The following TBL1XR1 variants were observed in gnomAD, a reference collection of about 807,000 sequenced individuals.
The protein encoded by TBL1XR1 is TBL1X/Y related 1, also known as F-box-like/WD repeat-containing protein TBL1XR1.
TBL1XR1 carries 5 observed loss-of-function variants against 66.9 expected under a neutral mutation model. That is an observed-to-expected ratio of 0.07 (90% confidence interval 0.04 to 0.16). TBL1XR1 has a LOEUF of 0.16. Among genes scored for constraint, TBL1XR1 ranks in the 10% least tolerant of loss-of-function variants. TBL1XR1 has a pLI of 1.00. For synonymous variants in TBL1XR1, 210 were observed against 206.0 expected, an observed-to-expected ratio of 1.02 and a Z score of -0.17; for missense variants, 238 against 623.2, an observed-to-expected ratio of 0.38 and a Z score of 6.58.
At chr3:177,188,512 A>C (rs1051451208) in intron 1 of TBL1XR1, among the ~76,000 whole-genome samples, 18 of 151,992 alleles carry the variant, frequency 1.2e-4, no homozygotes, top group African/African-American at 4.4e-4. Flanking sequence ...GCGCCATTGC[A>C]CTCCAGCCTG....
At chr3:177,083,385 C>A (rs879938215) in intron 2 of TBL1XR1, among the ~76,000 whole-genome samples, 1 of 152,166 alleles carries the variant, frequency 6.6e-6, no homozygotes, top group Non-Finnish European at 1.5e-5. Flanking sequence ...GTTTTGTCTT[C>A]TTGCTTTTAT....
At chr3:177,092,587 A>C (rs1275624159) in intron 2 of TBL1XR1, among the ~76,000 whole-genome samples, 2 of 152,158 alleles carry the variant, frequency 1.3e-5, no homozygotes. Context: ...TATTGTCAGC[A>C]CCTCACATCC....
chr3:177,072,700 CG>C (rs1219950908), intron 2 of TBL1XR1, among the ~76,000 whole-genome samples: 1 of 152,100 alleles, frequency 6.6e-6, no homozygotes, highest in Non-Finnish European at 1.5e-5. Context: ...CATGGAACAG[CG>C]TTTATACTTC....
chr3:177,112,107 A>ATATATATATATATATTTT, intron 1 of TBL1XR1, among the ~76,000 whole-genome samples: 4 of 37,640 alleles, frequency 1.1e-4, no homozygotes, highest in African/African-American at 3.8e-4. Flanking sequence ...ATATATATAT[A>ATATATATATATATATTTT]TTTTTTTTTT....
Position 177,103,640 on chromosome 3 carries a change from ATAAC to A in TBL1XR1, c.-121-5103_-121-5100del, listed in dbSNP as rs1724510376. On this transcript the variant is annotated intron_variant, in intron 1 of 15. Coordinates refer to ENST00000457928, the MANE Select transcript of TBL1XR1 (RefSeq NM_024665.7). ...AGAAGTAAATTTATTTAATTTATAGATAACTTTGAAAAGCTAATGGACATTATGG... is the reference window on the plus strand; with the variant it reads ...AGAAGTAAATTTATTTAATTTATAGATTTGAAAAGCTAATGGACATTATGG... Among the ~76,000 whole-genome samples, 10 of 152,320 alleles carry A rather than the reference ATAAC, an allele frequency of 6.6e-5. No homozygotes were observed. The South Asian group carries it at 2.1e-3, about 32-fold the overall frequency.
At chr3:177,155,623 G>GT (rs1186372358) in intron 1 of TBL1XR1, among the ~76,000 whole-genome samples, 1 of 152,092 alleles carries the variant, frequency 6.6e-6, no homozygotes, top group East Asian at 1.9e-4. Context: ...GAGAAAGATA[G>GT]TTTTTTTCTT....
chr3:177,112,100 TATATATA>T (rs1261882810), intron 1 of TBL1XR1, among the ~76,000 whole-genome samples: 145 of 55,166 alleles, frequency 2.6e-3, no homozygotes, highest in African/African-American at 0.013. Flanking sequence ...TATATATATA[TATATATA>T]TTTTTTTTTT....
intron 3 of TBL1XR1, among the ~76,000 whole-genome samples, chr3:177,062,537 AT>A (rs1718648645): frequency 6.6e-6 from 1 of 152,190 alleles, no homozygotes; most frequent in Admixed American, 6.5e-5. Flanking sequence ...ATAAGTCAAA[AT>A]GTCATCAGTT....
chr3:177,165,036 G>C (rs12496898), intron 1 of TBL1XR1, among the ~76,000 whole-genome samples: 2 of 151,618 alleles, frequency 1.3e-5, no homozygotes, highest in Admixed American at 1.3e-4. Context: ...CTTCTTTCTC[G>C]TATCTAAAAA....
intron 1 of TBL1XR1, among the ~76,000 whole-genome samples, chr3:177,102,143 A>G (rs149737748): frequency 6.6e-6 from 1 of 152,264 alleles, no homozygotes; most frequent in African/African-American, 2.4e-5. Flanking sequence ...TCATAGATGT[A>G]TCTAATCTCA....
chr3:177,096,331 T>TA (rs1723475931), intron 2 of TBL1XR1, among the ~76,000 whole-genome samples: 1 of 100,698 alleles, frequency 9.9e-6, no homozygotes, highest in Non-Finnish European at 2.2e-5. Flanking sequence ...CTAACATACA[T>TA]ACATACACAC....
chr3:177,035,334 T>C (rs566434362), intron 12 of TBL1XR1, among the ~76,000 whole-genome samples: 1 of 152,260 alleles, frequency 6.6e-6, no homozygotes, highest in East Asian at 1.9e-4. Flanking sequence ...TTGGTGATTG[T>C]TAGAGTTTCT....
chr3:177,072,489 C>T (rs1173381757), intron 2 of TBL1XR1, among the ~76,000 whole-genome samples: 10 of 151,388 alleles, frequency 6.6e-5, no homozygotes, highest in Non-Finnish European at 2.9e-5. Context: ...AAAAAAAATT[C>T]CCTGAAGAAT....
chr3:177,182,541 G>A (rs1273624360), intron 1 of TBL1XR1, among the ~76,000 whole-genome samples: 1 of 152,180 alleles, frequency 6.6e-6, no homozygotes, highest in African/African-American at 2.4e-5. Context: ...CTCAGTCAGA[G>A]CCTCATAGGA....
At chr3:177,055,041 G>A (rs1481419740) in intron 3 of TBL1XR1, among the ~76,000 whole-genome samples, 1 of 152,082 alleles carries the variant, frequency 6.6e-6, no homozygotes, top group Non-Finnish European at 1.5e-5. Flanking sequence ...CAATTAAATT[G>A]TACAAGTAAT....
chr3:177,043,075 A>G (rs766258244), intron 10 of TBL1XR1, among the ~76,000 whole-genome samples: 1 of 152,180 alleles, frequency 6.6e-6, no homozygotes, highest in Non-Finnish European at 1.5e-5. Flanking sequence ...TGAGTTATTT[A>G]GAAGTGTGGG....
chr3:177,185,180 ATTG>A (rs1368950790), intron 1 of TBL1XR1, among the ~76,000 whole-genome samples: 1 of 152,192 alleles, frequency 6.6e-6, no homozygotes, highest in African/African-American at 2.4e-5. Context: ...CCCCAACAGC[ATTG>A]TTATCAGTCT....
chr3:177,134,985 G>GTC (rs1553852589), intron 1 of TBL1XR1, among the ~76,000 whole-genome samples: 1 of 136,870 alleles, frequency 7.3e-6, no homozygotes, highest in African/African-American at 2.8e-5. Context: ...GTGTCTGTGT[G>GTC]TGTGTGTTTT....
intron 2 of TBL1XR1, among the ~76,000 whole-genome samples, chr3:177,096,933 AGAG>A (rs879707642): frequency 3.9e-5 from 6 of 152,094 alleles, no homozygotes; most frequent in Non-Finnish European, 8.8e-5. Context: ...GAGAAAGGAG[AGAG>A]GAGGAGAGGA....
Sources: gnomAD v4.1 joint callset for allele counts (sites outside exome capture counted in the v4.1 genomes callset) on GRCh38, gnomAD v4.1.1 for gene constraint, MANE v1.5 for transcripts, NCBI Gene and HGNC (gene_info 2026-07-23, HGNC 2026-07-21) for gene names.